Variants in TECR observed in about 807,000 individuals in gnomAD.
TECR encodes very-long-chain enoyl-CoA reductase.
Under a neutral mutation model 50.6 loss-of-function variants are expected in TECR, and 19 were observed. The ratio of observed to expected loss-of-function variants is 0.38; its 90% CI spans 0.26 to 0.55. The LOEUF (loss-of-function observed/expected upper bound fraction) is 0.55, where lower values mean the gene tolerates loss of function less well. TECR is among the 20% of genes least tolerant of loss of function. The pLI, the probability that TECR is intolerant of heterozygous loss-of-function variation, is 0.79. For synonymous variants in TECR, 168 were observed against 163.5 expected (o/e 1.03, Z -0.21); for missense variants, 313 against 408.3 (o/e 0.77, Z 2.01).
chr19:14,550,436 C>T (rs1226665314), intron 1 of TECR, among the ~76,000 whole-genome samples: 1 of 152,108 alleles, frequency 6.6e-6, no homozygotes, highest in Non-Finnish European at 1.5e-5. Context: ...TCCTCCTGCT[C>T]CTCCAGTCAG....
At chr19:14,565,311 T>C (rs2074043396) in intron 11 of TECR, 21 bp downstream of exon 11, 1 of 1,611,516 alleles carries the variant, frequency 6.2e-7, no homozygotes, top group South Asian at 1.1e-5. Context: ...GCCTTACCCC[T>C]CTCTGCCCTG....
At chr19:14,552,445 C>T (rs1444630292) in intron 1 of TECR, among the ~76,000 whole-genome samples, 3 of 152,126 alleles carry the variant, frequency 2.0e-5, no homozygotes. Flanking sequence ...ATGGGCACTT[C>T]CAGGCTACTT....
chr19:14,551,509 A>C (rs1388027591), intron 1 of TECR, among the ~76,000 whole-genome samples: 1 of 152,166 alleles, frequency 6.6e-6, no homozygotes, highest in Non-Finnish European at 1.5e-5. Flanking sequence ...GCAGACAGGC[A>C]AGGCAGGTCT....
At chr19:14,562,852 G>C (rs2073943417) in intron 2 of TECR, among the ~76,000 whole-genome samples, 1 of 152,096 alleles carries the variant, frequency 6.6e-6, no homozygotes, top group Non-Finnish European at 1.5e-5. Context: ...TGGGGGAAGG[G>C]GCTTGCGCTG....
chr19:14,546,361 C>T (rs1298061027), intron 1 of TECR, among the ~76,000 whole-genome samples: 1 of 151,754 alleles, frequency 6.6e-6, no homozygotes, highest in African/African-American at 2.4e-5. Flanking sequence ...CTGAGGTGGG[C>T]GGATCACTTG....
chr19:14,549,026 T>C (rs1210134468), intron 1 of TECR, among the ~76,000 whole-genome samples: 4 of 150,520 alleles, frequency 2.7e-5, no homozygotes, highest in Admixed American at 2.0e-4. Context: ...ATTTTTTTTT[T>C]CCATCCGCTT....
At chr19:14,551,356 T>C (rs1248097329) in intron 1 of TECR, among the ~76,000 whole-genome samples, 3 of 152,148 alleles carry the variant, frequency 2.0e-5, no homozygotes, top group African/African-American at 7.2e-5. Context: ...ATTACAGGCG[T>C]GAGCCACTGC....
chr19:14,558,310 C>A (rs1032791975), intron 1 of TECR, among the ~76,000 whole-genome samples: 1 of 152,178 alleles, frequency 6.6e-6, no homozygotes, highest in East Asian at 1.9e-4. Flanking sequence ...CTCCTGCCCC[C>A]ATTAGTAATA....
intron 1 of TECR, among the ~76,000 whole-genome samples, chr19:14,538,032 C>T (rs1487339045): frequency 1.3e-5 from 2 of 152,164 alleles, no homozygotes; most frequent in Non-Finnish European, 2.9e-5. Flanking sequence ...AGGCGTGAGC[C>T]ACTGCGCCGG....
chr19:14,550,384 T>C (rs2073456165), intron 1 of TECR, among the ~76,000 whole-genome samples: 2 of 152,130 alleles, frequency 1.3e-5, no homozygotes, highest in Non-Finnish European at 2.9e-5. Context: ...TGGACTAACC[T>C]GTCTGCTGGA....
chr19:14,560,318 C>T (rs1017682305), intron 1 of TECR, among the ~76,000 whole-genome samples: 2 of 152,180 alleles, frequency 1.3e-5, no homozygotes, highest in South Asian at 2.1e-4. Context: ...AGCAGGAACT[C>T]GGAGGCCTTC....
upstream of TECR, chr19:14,529,395 G>GC (rs2072521500): frequency 1.8e-6 from 1 of 563,848 alleles, no homozygotes; most frequent in South Asian, 2.0e-5. Context: ...GGATGGTCAA[G>GC]CCCCTTCTCT....
upstream of TECR, among the ~76,000 whole-genome samples, chr19:14,528,810 G>T (rs2072501051): frequency 6.6e-6 from 1 of 152,238 alleles, no homozygotes; most frequent in South Asian, 2.1e-4. Flanking sequence ...CGGGCGTGGT[G>T]GCGGGTGCCT....
chr19:14,563,088 C>G lies in TECR; in HGVS notation c.67-118C>G, dbSNP rs1165663481. On this transcript the variant is annotated intron_variant, in intron 2 of 12. Coordinates refer to ENST00000215567, the MANE Select transcript of TECR (RefSeq NM_138501.6). The surrounding 1 kb of genome is among the most constrained non-coding windows in gnomAD (Gnocchi z 5.3). ...TGCAGGCAGAGGCCTGGACCCCAGC[C>G]CTTCCCCCTTCCCATAGCTACAGCC... is the stretch of plus-strand genomic sequence containing the variant. The G allele has an allele frequency of 6.0e-5, 74 of 1,243,002 alleles. No homozygotes were observed. Among genetic ancestry groups the G allele is most frequent in the Admixed American group, 5.2e-4 (27 of 51,904 alleles). The allele number at this position is 1,243,002 out of a possible 1,614,324, so 77.0% of individuals were successfully genotyped here.
Position 14,529,651 on chromosome 19 carries a change from T to G in TECR, c.-46T>G. The G allele has an allele frequency of 1.2e-6, 2 of 1,613,660 alleles. No homozygotes were observed. Among genetic ancestry groups the G allele is most frequent in the Non-Finnish European group, 1.7e-6 (2 of 1,179,900 alleles). On this transcript the variant is annotated 5_prime_UTR_variant, in exon 1 of 13. Coordinates refer to ENST00000215567, the MANE Select transcript of TECR (RefSeq NM_138501.6). ...AGGGAGCCTGTGCTGTGCCGCGCAG[T>G]TAGGCAGCAGCAGCCGCGGAGCAGT...
upstream of TECR, among the ~76,000 whole-genome samples, chr19:14,528,661 C>T (rs2072495583): frequency 6.6e-6 from 1 of 151,062 alleles, no homozygotes; most frequent in Admixed American, 6.6e-5. Context: ...GGAGGGGGGC[C>T]GGGCGGGGTG....
chr19:14,561,933 G>A (rs1314938567), intron 1 of TECR: 3 of 183,208 alleles, frequency 1.6e-5, no homozygotes, highest in South Asian at 1.3e-4. Flanking sequence ...GGGCCTGCAC[G>A]GCCCGCTGGC....
At position 14,565,224 on chromosome 19, in the gene TECR, A is replaced by G. The variant is rs147910761; in HGVS notation, c.687A>G (p.Pro229=). ...CAGGGTCCAAGACGCGGAAGATCCC[A>G]TACCCCACCAAGAACCCCTTCACGT... The part of the protein sequence containing the change: ...RPAGSKTRKI[P]YPTKNPFTWL... Residue 229 remains proline, a synonymous_variant, in exon 11 of 13, where the codon CCA becomes CCG. Transcript: ENST00000215567. The G allele has an allele frequency of 8.1e-6, 13 of 1,613,832 alleles. No homozygotes were observed. In the Admixed American group the frequency reaches 1.2e-4, roughly 14 times the overall value.
intron 1 of TECR, among the ~76,000 whole-genome samples, chr19:14,549,959 A>T (rs2073438637): frequency 2.0e-5 from 3 of 151,860 alleles, no homozygotes. Flanking sequence ...AAAAATAAAA[A>T]AAATAAACTA....
Sources: gnomAD v4.1 joint callset for allele counts (sites outside exome capture counted in the v4.1 genomes callset) on GRCh38, gnomAD v4.1.1 for gene constraint, Gnocchi (gnomAD v3.1) non-coding constraint, MANE v1.5 for transcripts, NCBI Gene and HGNC (gene_info 2026-07-23, HGNC 2026-07-21) for gene names.